The following POLN variants were observed in gnomAD, a reference collection of about 807,000 sequenced individuals.
POLN encodes the protein DNA polymerase nu.
POLN carries 108 observed loss-of-function variants against 113.5 expected under a neutral mutation model. That is an observed-to-expected ratio of 0.95 (90% CI 0.81 to 1.12). The LOEUF (loss-of-function observed/expected upper bound fraction) is 1.12, where lower values mean the gene tolerates loss of function less well. Among genes scored for constraint, POLN ranks in the 50% most tolerant of loss-of-function variants. The probability of loss-of-function intolerance (pLI) is 0.00; values close to 1 mark genes in which losing one functional copy is unlikely to be tolerated. For missense variants in POLN, 1,097 were observed against 1,077.1 expected (o/e 1.02, Z -0.26); for synonymous variants, 386 against 391.5 (o/e 0.99, Z 0.17).
chr4:2,074,327 C>G (rs1440006582), intron 24 of POLN, among the ~76,000 whole-genome samples: 1 of 152,192 alleles, frequency 6.6e-6, no homozygotes, highest in African/African-American at 2.4e-5. Context: ...CGCCCGACCC[C>G]TGGTTCCCCA....
intron 20 of POLN, among the ~76,000 whole-genome samples, chr4:2,087,742 T>A (rs1175722551): frequency 6.6e-6 from 1 of 152,242 alleles, no homozygotes; most frequent in Non-Finnish European, 1.5e-5. Flanking sequence ...CTATTCTGTT[T>A]CTTCCTGTTT....
chr4:2,141,311 A>G (rs1343641685), intron 16 of POLN, among the ~76,000 whole-genome samples: 1 of 152,168 alleles, frequency 6.6e-6, no homozygotes, highest in Non-Finnish European at 1.5e-5. Flanking sequence ...TGTGGCATTC[A>G]CAGCTGGTGG....
At chr4:2,106,873 T>G (rs961137800) in intron 19 of POLN, among the ~76,000 whole-genome samples, 11 of 152,286 alleles carry the variant, frequency 7.2e-5, no homozygotes, top group African/African-American at 2.6e-4. Flanking sequence ...AGGATTATTA[T>G]GCATTATTTT....
At chr4:2,219,421 C>G (rs1734198888) in intron 3 of POLN, among the ~76,000 whole-genome samples, 1 of 152,156 alleles carries the variant, frequency 6.6e-6, no homozygotes, top group Non-Finnish European at 1.5e-5. Flanking sequence ...GGGGACCTGG[C>G]CTCTCCTTCA....
intron 7 of POLN, among the ~76,000 whole-genome samples, chr4:2,185,324 G>C (rs926018864): frequency 5.9e-5 from 9 of 152,236 alleles, no homozygotes; most frequent in African/African-American, 2.2e-4. Context: ...AAAGAGATGT[G>C]CTCAGTAAAA....
intron 19 of POLN, among the ~76,000 whole-genome samples, chr4:2,117,652 G>A (rs1048430634): frequency 6.6e-6 from 1 of 152,226 alleles, no homozygotes; most frequent in Admixed American, 6.5e-5. Context: ...GAGACACACA[G>A]CAGTCACCGG....
At chr4:2,190,687 A>G (rs1447378582) in intron 7 of POLN, among the ~76,000 whole-genome samples, 2 of 152,234 alleles carry the variant, frequency 1.3e-5, no homozygotes, top group African/African-American at 4.8e-5. Context: ...ATAGGGGGAA[A>G]ACATGATTTA....
chr4:2,209,755 C>T (rs552452043), intron 4 of POLN, among the ~76,000 whole-genome samples: 2 of 148,904 alleles, frequency 1.3e-5, no homozygotes, highest in African/African-American at 2.5e-5. Context: ...TCCATGTCCC[C>T]GGCTCAAGTA....
At chr4:2,125,583 G>C (rs927479874) in intron 19 of POLN, among the ~76,000 whole-genome samples, 3 of 152,120 alleles carry the variant, frequency 2.0e-5, no homozygotes, top group Non-Finnish European at 4.4e-5. Flanking sequence ...CACCTGGGGT[G>C]GGGTAAGAGG....
chr4:2,085,703 C>T lies in POLN; in HGVS notation c.2107G>A (p.Glu703Lys). 1 of 1,614,112 alleles carries T rather than the reference C, an allele frequency of 6.2e-7. No individual in the cohort carries two copies. ...AAACTCTCCAAAAACTGGGCAGCTTCCTGAATAGGAACTCCAAGGCAAGCA... is the reference window on the plus strand; with the variant it reads ...AAACTCTCCAAAAACTGGGCAGCTTTCTGAATAGGAACTCCAAGGCAAGCA... ...LAACLGVPIQ[E>K]AAQFLESFLQ... Residue 703 changes from glutamate (E) to lysine (K), a missense_variant, in exon 21 of 26, where the codon GAA (glutamate) becomes AAA (lysine). Glu to Lys is a moderately conservative substitution (Grantham distance 56). Transcript: ENST00000511885.
At chr4:2,182,499 T>A (rs1733168312) in intron 7 of POLN, among the ~76,000 whole-genome samples, 1 of 152,162 alleles carries the variant, frequency 6.6e-6, no homozygotes, top group Non-Finnish European at 1.5e-5. Flanking sequence ...AGAATGGATT[T>A]TCCCTCAGAG....
intron 19 of POLN, among the ~76,000 whole-genome samples, chr4:2,097,940 C>T (rs6840023): frequency 0.093 from 14,116 of 152,176 alleles, 2,229 homozygotes; most frequent in African/African-American, 0.32. Flanking sequence ...GCCCATGGGG[C>T]TGTGTACCCC....
chr4:2,078,266 CCG>C, intron 23 of POLN, among the ~76,000 whole-genome samples: 1 of 152,366 alleles, frequency 6.6e-6, no homozygotes, highest in East Asian at 1.9e-4. Flanking sequence ...GACAGGACAG[CCG>C]AGCCATGGCA....
chr4:2,174,823 A>G, intron 9 of POLN, 72 bp from the exon 10 acceptor site: 3 of 1,091,666 alleles, frequency 2.7e-6, no homozygotes, highest in Non-Finnish European at 3.8e-6. Context: ...TGAAAAGCCT[A>G]CTTTTTTTTT....
At position 2,126,930 on chromosome 4, in the gene POLN, A is replaced by G. The variant is rs1334821612; in HGVS notation, c.1982+1183T>C. Among the ~76,000 whole-genome samples the G allele has an allele frequency of 1.3e-5, 2 of 152,146 alleles. No homozygotes were observed. Among genetic ancestry groups the G allele is most frequent in the Non-Finnish European group, 2.9e-5 (2 of 68,010 alleles). ...CTTCAGCAAAGACAGAGGCGGAGAC[A>G]GCGCATGGGGAGGGGAGTGCAGGGG... On this transcript the variant is annotated intron_variant, in intron 19 of 25. Transcript: ENST00000511885. The surrounding 1 kb of genome is among the most constrained non-coding windows in gnomAD (Gnocchi z 4.6).
At chr4:2,233,155 C>A (rs557060608) in intron 2 of POLN, among the ~76,000 whole-genome samples, 1 of 152,182 alleles carries the variant, frequency 6.6e-6, no homozygotes, top group Admixed American at 6.5e-5. Flanking sequence ...CAAGTAATTT[C>A]GACATTATAT....
rs1303514434 is a variant in POLN, at chr4:2,198,740, A to G, written c.715-23T>C. On this transcript the variant is annotated intron_variant, in intron 5 of 25. Transcript: ENST00000511885. The stretch of plus-strand genomic sequence containing the variant: ...GGTCTGTGGAAACACAACAAAATAA[A>G]TTAAACCCAGACAACATATCTGTTG... 5.7e-6 allele frequency: 9 copies of G among 1,569,482 alleles called. No individual in the cohort carries two copies. The East Asian group carries it at 1.6e-4, about 28-fold the overall frequency.
intron 19 of POLN, among the ~76,000 whole-genome samples, chr4:2,116,692 C>G (rs1731325989): frequency 1.3e-5 from 2 of 152,176 alleles, no homozygotes; most frequent in East Asian, 3.9e-4. Flanking sequence ...TACCATGTGG[C>G]AGTGTGACCC....
chr4:2,177,357 T>C, intron 8 of POLN: 1 of 445,442 alleles, frequency 2.2e-6, no homozygotes, highest in Non-Finnish European at 4.5e-6. Flanking sequence ...AGTCTTACCA[T>C]ATCCCTGCTG....
Sources: gnomAD v4.1 joint callset for allele counts (sites outside exome capture counted in the v4.1 genomes callset) on GRCh38, gnomAD v4.1.1 for gene constraint, Gnocchi (gnomAD v3.1) non-coding constraint, MANE v1.5 for transcripts, NCBI Gene and HGNC (gene_info 2026-07-23, HGNC 2026-07-21) for gene names.